Variants in POLB observed in about 807,000 individuals in gnomAD.
The protein encoded by POLB is 5'-dRP lyase.
POLB carries 37 observed loss-of-function variants against 52.7 expected under a neutral mutation model. That is an observed-to-expected ratio of 0.70 (90% CI 0.54 to 0.92). The LOEUF is 0.92. Among genes scored for constraint, POLB ranks in the 40% least tolerant of loss-of-function variants. The pLI is 0.00. For missense variants in POLB, 313 were observed against 400.8 expected, an observed-to-expected ratio of 0.78 and a Z score of 1.87; for synonymous variants, 138 against 131.3, an observed-to-expected ratio of 1.05 and a Z score of -0.35.
At position 42,357,405 on chromosome 8, in the gene POLB, C is replaced by A; in HGVS notation, c.550+13C>A. 7.0e-7 allele frequency: 1 copy of A among 1,431,842 alleles called. No individual in the cohort carries two copies. Among genetic ancestry groups the A allele is most frequent in the Non-Finnish European group, 9.8e-7 (1 of 1,021,222 alleles). The allele number at this position is 1,431,842 out of a possible 1,614,324, so 88.7% of individuals were successfully genotyped here. A position where few individuals can be genotyped will look rare whatever the true frequency, so the allele number is the denominator to read the frequency against. ...AGTTTCAGAAGAGGTAACATACTTC[C>A]TAATCTTGGGTTATTTTTGCCCTGA... On this transcript the variant is annotated intron_variant, in intron 9 of 13. Coordinates refer to ENST00000265421, the MANE Select transcript of POLB (RefSeq NM_002690.3).
At chr8:42,340,027 T>A (rs568668087) in intron 2 of POLB, 1 of 152,322 alleles carries the variant, frequency 6.6e-6, no homozygotes, top group East Asian at 1.9e-4. Flanking sequence ...TAATACCTAA[T>A]CATTTACTCA....
intron 2 of POLB, among the ~76,000 whole-genome samples, chr8:42,343,528 A>T (rs1822391329): frequency 6.8e-6 from 1 of 147,526 alleles, no homozygotes; most frequent in Admixed American, 6.9e-5. Context: ...AAAAAAAAGT[A>T]ACATAGGTAT....
chr8:42,341,310 T>C (rs1196554837), intron 2 of POLB, among the ~76,000 whole-genome samples: 1 of 152,256 alleles, frequency 6.6e-6, no homozygotes, highest in African/African-American at 2.4e-5. Context: ...ACAGTGCCAA[T>C]GACCTGGAAC....
At chr8:42,349,890 C>T in intron 4 of POLB, 117 bp from the exon 5 acceptor site, 1 of 712,266 alleles carries the variant, frequency 1.4e-6, no homozygotes, top group South Asian at 1.6e-5. Context: ...GTGTGGGTCA[C>T]CCAGGCAAAT....
chr8:42,356,250 A>G (rs1216514401), intron 7 of POLB, among the ~76,000 whole-genome samples: 1 of 152,122 alleles, frequency 6.6e-6, no homozygotes, highest in Non-Finnish European at 1.5e-5. Flanking sequence ...TCCCATTCCA[A>G]AATCTTGAGC....
chr8:42,371,475 A>G, intron 13 of POLB, 88 bp from the exon 14 acceptor site: 4 of 548,036 alleles, frequency 7.3e-6, no homozygotes, highest in Non-Finnish European at 1.2e-5. Flanking sequence ...TTCTGAAAGC[A>G]AGTCCCACAC....
intron 8 of POLB, 40 bp from the exon 9 acceptor site, chr8:42,357,280 A>C (rs1298734928): frequency 7.0e-7 from 1 of 1,437,734 alleles, no homozygotes; most frequent in Admixed American, 1.7e-5. Flanking sequence ...CTTGGTGAAA[A>C]GCCATTTTGG....
At chr8:42,341,809 C>A (rs1206488562) in intron 2 of POLB, 2 of 516,452 alleles carry the variant, frequency 3.9e-6, no homozygotes, top group Non-Finnish European at 7.3e-6. Flanking sequence ...GGAAGCTTGC[C>A]TTCTTTTGAG....
intron 5 of POLB, among the ~76,000 whole-genome samples, chr8:42,352,186 C>T (rs1385991796): frequency 3.3e-5 from 5 of 152,220 alleles, no homozygotes; most frequent in Non-Finnish European, 7.3e-5. Flanking sequence ...ATTCCTGCTA[C>T]ATTTTCAGCA....
intron 10 of POLB, 108 bp from the exon 11 acceptor site, chr8:42,362,504 C>T: frequency 1.4e-6 from 1 of 704,790 alleles, no homozygotes; most frequent in Non-Finnish European, 2.5e-6. Context: ...GCACAGTCTC[C>T]AGCCTGTGCA....
chr8:42,346,498 C>G (rs1169251598), intron 3 of POLB, among the ~76,000 whole-genome samples: 1 of 151,790 alleles, frequency 6.6e-6, no homozygotes, highest in Admixed American at 6.6e-5. Context: ...AATCCTCCCA[C>G]CTCAGCCTCC....
chr8:42,362,851 G>A lies in POLB; in HGVS notation c.708+153G>A, dbSNP rs569312390. Among the ~76,000 whole-genome samples, 330 of 152,326 alleles carry A rather than the reference G, an allele frequency of 2.2e-3. 4 individuals carry two copies. In the Middle Eastern group the frequency reaches 0.024, roughly 11 times the overall value. On this transcript the variant is annotated intron_variant, in intron 11 of 13. Transcript: ENST00000265421. ...AGAAAAATAATAGCAGGGGCCGGGC[G>A]CGGTGGCTCACGCCTGTGATCCCAG...
At chr8:42,355,654 A>C (rs906993847) in intron 7 of POLB, 87 bp downstream of exon 7, 1 of 748,332 alleles carries the variant, frequency 1.3e-6, no homozygotes. Flanking sequence ...GGACTCTTCA[A>C]ACTTAGCTAA....
intron 13 of POLB, among the ~76,000 whole-genome samples, chr8:42,370,770 C>T (rs1228235563): frequency 2.0e-5 from 3 of 152,200 alleles, no homozygotes; most frequent in Non-Finnish European, 4.4e-5. Flanking sequence ...AATACACTAA[C>T]ACTCACGATA....
At chr8:42,360,989 A>G (rs55914760) in intron 9 of POLB, 119 of 459,118 alleles carry the variant, frequency 2.6e-4, no homozygotes, top group African/African-American at 2.2e-3. Context: ...ATTTTAAAAT[A>G]TTGTTTTTAT....
intron 2 of POLB, 56 bp downstream of exon 2, chr8:42,339,125 T>C: frequency 7.3e-7 from 1 of 1,369,620 alleles, no homozygotes; most frequent in Non-Finnish European, 1.0e-6. Flanking sequence ...CTGTTTAGTG[T>C]GGCAATTAAC....
chr8:42,355,043 C>T (rs1226192061), intron 6 of POLB, among the ~76,000 whole-genome samples: 7 of 151,414 alleles, frequency 4.6e-5, no homozygotes, highest in Admixed American at 1.3e-4. Context: ...TTTTTGTTGT[C>T]GTTGTTGTTT....
At chr8:42,357,487 T>A (rs987382929) in intron 9 of POLB, 95 bp downstream of exon 9, 21 of 729,264 alleles carry the variant, frequency 2.9e-5, no homozygotes, top group Non-Finnish European at 4.9e-5. Context: ...TAATTTGTGG[T>A]ACTTCATAGA....
intron 13 of POLB, among the ~76,000 whole-genome samples, chr8:42,370,747 G>C (rs1824331154): frequency 6.6e-6 from 1 of 151,976 alleles, no homozygotes; most frequent in South Asian, 2.1e-4. Context: ...TAATTGTCTT[G>C]GGCTACACAT....
Sources: gnomAD v4.1 joint callset for allele counts (sites outside exome capture counted in the v4.1 genomes callset) on GRCh38, gnomAD v4.1.1 for gene constraint, MANE v1.5 for transcripts, NCBI Gene and HGNC (gene_info 2026-07-23, HGNC 2026-07-21) for gene names.